The following R3HCC1L variants were observed in gnomAD, a reference collection of about 807,000 sequenced individuals.
R3HCC1L encodes coiled-coil domain-containing protein R3HCC1L.
In R3HCC1L, 51 loss-of-function variants were observed where a neutral mutation model predicts 59.9. That is an observed-to-expected ratio of 0.85 (90% CI 0.68 to 1.07). The LOEUF (loss-of-function observed/expected upper bound fraction) is 1.07. Ranked by LOEUF, R3HCC1L falls within the 50% of genes least tolerant of loss-of-function variation. R3HCC1L has a pLI of 0.00. For synonymous variants in R3HCC1L, 322 were observed against 315.2 expected (o/e 1.02, Z -0.23); for missense variants, 965 against 933.0 (o/e 1.03, Z -0.45).
chr10:98,184,816 A>G (rs1850055932), intron 4 of R3HCC1L, among the ~76,000 whole-genome samples: 1 of 152,120 alleles, frequency 6.6e-6, no homozygotes, highest in Non-Finnish European at 1.5e-5. Flanking sequence ...TGCTTCCCCT[A>G]GCTGCAGGTC....
chr10:98,229,904 A>G (rs1328086959), intron 5 of R3HCC1L, among the ~76,000 whole-genome samples: 1 of 152,184 alleles, frequency 6.6e-6, no homozygotes, highest in African/African-American at 2.4e-5. Flanking sequence ...CGTATGTTGA[A>G]TCAGCCTTGC....
At chr10:98,206,229 T>G (rs1189997373) in intron 4 of R3HCC1L, among the ~76,000 whole-genome samples, 1 of 118,430 alleles carries the variant, frequency 8.4e-6, no homozygotes, top group East Asian at 2.5e-4. Context: ...ATCACTATTT[T>G]GGGGCTTTTA....
At chr10:98,239,459 G>A (rs994545500) in intron 9 of R3HCC1L, among the ~76,000 whole-genome samples, 1 of 151,956 alleles carries the variant, frequency 6.6e-6, no homozygotes, top group Non-Finnish European at 1.5e-5. Context: ...GAAGACTTCT[G>A]CTGTCTAGCA....
At chr10:98,207,191 A>G (rs1032733722) in intron 4 of R3HCC1L, among the ~76,000 whole-genome samples, 3 of 152,202 alleles carry the variant, frequency 2.0e-5, no homozygotes, top group Non-Finnish European at 2.9e-5. Flanking sequence ...TCTGTTGTGT[A>G]TAGCACCTCC....
At chr10:98,147,257 A>G (rs963682692) in intron 1 of R3HCC1L, among the ~76,000 whole-genome samples, 1 of 151,794 alleles carries the variant, frequency 6.6e-6, no homozygotes, top group Non-Finnish European at 1.5e-5. Flanking sequence ...AATCAATCTG[A>G]TTTGTTTGTT....
chr10:98,214,557 TCACACCA>T (rs907036758), intron 5 of R3HCC1L, among the ~76,000 whole-genome samples: 1 of 152,208 alleles, frequency 6.6e-6, no homozygotes, highest in Non-Finnish European at 1.5e-5. Context: ...TGTAGTAATT[TCACACCA>T]CCAACTTGTG....
At chr10:98,158,809 A>G (rs1212307007) in intron 2 of R3HCC1L, among the ~76,000 whole-genome samples, 1 of 145,614 alleles carries the variant, frequency 6.9e-6, no homozygotes. Flanking sequence ...CATGACATTG[A>G]CTTTTTTTTT....
chr10:98,190,997 G>A (rs1185771795), intron 4 of R3HCC1L, among the ~76,000 whole-genome samples: 2 of 151,706 alleles, frequency 1.3e-5, no homozygotes, highest in South Asian at 2.1e-4. Context: ...CCTTTTTTTC[G>A]GCTGCATAGT....
intron 5 of R3HCC1L, among the ~76,000 whole-genome samples, chr10:98,226,277 C>CA (rs1309698995): frequency 1.8e-4 from 27 of 152,220 alleles, no homozygotes. Context: ...CAAAGTAACT[C>CA]AAAGTCAATG....
chr10:98,224,820 G>T (rs1368857884), intron 5 of R3HCC1L, among the ~76,000 whole-genome samples: 1 of 152,114 alleles, frequency 6.6e-6, no homozygotes, highest in African/African-American at 2.4e-5. Flanking sequence ...TATTGTGAAG[G>T]TTTCATATTG....
At chr10:98,202,953 C>G (rs920848163) in intron 4 of R3HCC1L, among the ~76,000 whole-genome samples, 2 of 151,934 alleles carry the variant, frequency 1.3e-5, no homozygotes, top group Non-Finnish European at 2.9e-5. Context: ...TCTAGAATGT[C>G]GGAGGCTTAA....
intron 4 of R3HCC1L, among the ~76,000 whole-genome samples, chr10:98,201,940 G>A (rs1852095928): frequency 6.7e-6 from 1 of 149,700 alleles, no homozygotes; most frequent in South Asian, 2.1e-4. Flanking sequence ...AAGCTGGAGT[G>A]TAGTGGTTGT....
At chr10:98,174,329 C>T (rs1201208348) in intron 4 of R3HCC1L, 1 of 303,166 alleles carries the variant, frequency 3.3e-6, no homozygotes, top group African/African-American at 2.3e-5. Context: ...CTCCGTTTCT[C>T]AAAGTACAAA....
At chr10:98,163,100 C>T (rs1847605296) in intron 3 of R3HCC1L, 125 bp downstream of exon 3, 1 of 251,776 alleles carries the variant, frequency 4.0e-6, no homozygotes, top group Non-Finnish European at 7.5e-6. Flanking sequence ...GATGGCATTT[C>T]CTTATTCCAT....
At chr10:98,175,350 G>A (rs72826263) in intron 4 of R3HCC1L, among the ~76,000 whole-genome samples, 3,713 of 152,118 alleles carry the variant, frequency 0.024, 66 homozygotes, top group Non-Finnish European at 0.038. Flanking sequence ...CAAACTTCAC[G>A]TTTCATAGAG....
At chr10:98,199,385 C>G (rs992650691) in intron 4 of R3HCC1L, among the ~76,000 whole-genome samples, 3 of 151,994 alleles carry the variant, frequency 2.0e-5, no homozygotes, top group Admixed American at 1.3e-4. Context: ...CTTTCTCTTA[C>G]ATGTTTATAG....
intron 4 of R3HCC1L, among the ~76,000 whole-genome samples, chr10:98,191,569 GTAGATTGCAAAAATTTT>G (rs1203010463): frequency 4.6e-5 from 7 of 152,068 alleles, no homozygotes; most frequent in African/African-American, 1.7e-4. Flanking sequence ...TGTCAGATGA[GTAGATTGCAAAAATTTT>G]CTCCCATTCT....
intron 9 of R3HCC1L, among the ~76,000 whole-genome samples, chr10:98,238,556 T>C (rs1158358185): frequency 6.6e-6 from 1 of 152,104 alleles, no homozygotes; most frequent in Non-Finnish European, 1.5e-5. Context: ...ATGATAACTC[T>C]GTGACCAGTG....
intron 4 of R3HCC1L, among the ~76,000 whole-genome samples, chr10:98,176,030 ACT>A (rs777853041): frequency 6.6e-6 from 1 of 151,660 alleles, no homozygotes; most frequent in East Asian, 1.9e-4. Context: ...TTTTGGAAAG[ACT>A]CTCTTTTTTC....
Sources: allele counts gnomAD v4.1 joint callset (sites outside exome capture counted in the v4.1 genomes callset), GRCh38; gene constraint gnomAD v4.1.1; transcripts MANE v1.5; gene names NCBI Gene and HGNC (gene_info 2026-07-23, HGNC 2026-07-21).